M1AP: variants seen among roughly 807,000 people sequenced by gnomAD.
M1AP encodes meiosis 1 arrest protein.
In M1AP, 39 loss-of-function variants were observed where a neutral mutation model predicts 51.2. That is an observed-to-expected ratio of 0.76 (90% CI 0.59 to 1.00). The LOEUF (loss-of-function observed/expected upper bound fraction) is 1.00, where lower values mean the gene tolerates loss of function less well. Among genes scored for constraint, M1AP ranks in the 50% least tolerant of loss-of-function variants. The pLI is 0.00. For missense variants in M1AP, 545 were observed against 641.2 expected (o/e 0.85, Z 1.62); for synonymous variants, 251 against 249.2 (o/e 1.01, Z -0.07).
intron 5 of M1AP, among the ~76,000 whole-genome samples, chr2:74,577,181 GT>G (rs1195940760): frequency 1.3e-5 from 2 of 152,186 alleles, no homozygotes; most frequent in Non-Finnish European, 2.9e-5. Flanking sequence ...AAAGGAATAA[GT>G]TCCTGAAATA....
intron 2 of M1AP, chr2:74,618,732 C>T (rs929698283): frequency 4.4e-6 from 1 of 226,432 alleles, no homozygotes; most frequent in South Asian, 5.1e-5. Context: ...ACTTCTATAT[C>T]CCGAAAGTTC....
intron 2 of M1AP, among the ~76,000 whole-genome samples, chr2:74,633,509 C>T (rs115603292): frequency 1.7e-3 from 259 of 152,188 alleles, no homozygotes; most frequent in African/African-American, 6.1e-3. Flanking sequence ...CTGATGTTTC[C>T]TCTTAGTAAT....
rs115219787 is a variant in M1AP at position 74,573,766 on chromosome 2, G to T, written c.1074+1672C>A. On this transcript the variant is annotated intron_variant, in intron 7 of 10. Coordinates refer to ENST00000421985, the MANE Select transcript of M1AP (RefSeq NM_001321739.2). ...GTACATATATCTTCATCCCTTTCCT[G>T]ACTGTCTTCTTTGGCTACATTCCCA... Among the ~76,000 whole-genome samples the T allele has an allele frequency of 4.8e-3, 726 of 151,842 alleles. 3 individuals carry two copies. Among genetic ancestry groups the T allele is most frequent in the African/African-American group, 0.016 (673 of 41,408 alleles).
At chr2:74,604,219 T>C (rs923326412) in intron 4 of M1AP, among the ~76,000 whole-genome samples, 1 of 152,064 alleles carries the variant, frequency 6.6e-6, no homozygotes, top group African/African-American at 2.4e-5. Flanking sequence ...TAGGGAAGCA[T>C]GGGCATTTCT....
At chr2:74,592,909 T>C (rs974238213) in intron 4 of M1AP, among the ~76,000 whole-genome samples, 5 of 152,244 alleles carry the variant, frequency 3.3e-5, no homozygotes, top group African/African-American at 9.6e-5. Context: ...TATCCTATGC[T>C]AAATTAATAT....
intron 2 of M1AP, among the ~76,000 whole-genome samples, chr2:74,616,862 G>A (rs1220797170): frequency 2.0e-5 from 3 of 152,108 alleles, no homozygotes; most frequent in African/African-American, 7.2e-5. Flanking sequence ...AATTAGCTCA[G>A]GTTTGTGTGA....
intron 2 of M1AP, among the ~76,000 whole-genome samples, chr2:74,633,411 T>C (rs756951206): frequency 6.6e-6 from 1 of 152,222 alleles, no homozygotes; most frequent in Non-Finnish European, 1.5e-5. Flanking sequence ...TTCCTCATCC[T>C]GCACCATCCC....
chr2:74,638,468 G>C (rs1470151355), intron 2 of M1AP, among the ~76,000 whole-genome samples: 2 of 152,122 alleles, frequency 1.3e-5, no homozygotes, highest in Non-Finnish European at 2.9e-5. Flanking sequence ...ATTCTATCTA[G>C]GGTGGAACAG....
chr2:74,615,151 T>G lies in M1AP; in HGVS notation c.241-2A>C, dbSNP rs756333047. ...CCTAGCAAAGTTCCCTTTCACTTGC[T>G]GCAGAGAAAAACGAATCAAAGACAC... On this transcript the variant is annotated splice_acceptor_variant, in intron 2 of 10. Coordinates refer to ENST00000421985, the MANE Select transcript of M1AP (RefSeq NM_001321739.2). LOFTEE classifies it high-confidence loss of function. 9.9e-6 allele frequency: 16 copies of G among 1,613,828 alleles called. 1 individual carries two copies. The South Asian group carries it at 1.6e-4, about 17-fold the overall frequency.
At position 74,594,539 on chromosome 2, in the gene M1AP, T is replaced by A. The variant is rs554032805; in HGVS notation, c.595+12516A>T. ...GAGAAAGAATGAGGCCGAAAAAATA[T>A]TTAAAAAAAATGGCAGAAAATTTCC... On this transcript the variant is annotated intron_variant, in intron 4 of 10. Coordinates refer to ENST00000421985, the MANE Select transcript of M1AP (RefSeq NM_001321739.2). Among the ~76,000 whole-genome samples the A allele has an allele frequency of 2.0e-5, 3 of 152,092 alleles. No individual in the cohort carries two copies. The East Asian group carries it at 5.8e-4, about 29-fold the overall frequency.
At chr2:74,611,419 A>G (rs1025719974) in intron 3 of M1AP, among the ~76,000 whole-genome samples, 2 of 152,210 alleles carry the variant, frequency 1.3e-5, no homozygotes, top group African/African-American at 2.4e-5. Flanking sequence ...TTGTGTATAT[A>G]CAGGAATGTA....
At position 74,596,661 on chromosome 2, in the gene M1AP, G is replaced by A. The variant is rs1261422427; in HGVS notation, c.595+10394C>T. 3.3e-5 allele frequency among the ~76,000 whole-genome samples: 5 copies of A among 152,238 alleles called. No individual in the cohort carries two copies. In the East Asian group the frequency reaches 9.6e-4, roughly 29 times the overall value. On this transcript the variant is annotated intron_variant, in intron 4 of 10. Coordinates refer to ENST00000421985, the MANE Select transcript of M1AP (RefSeq NM_001321739.2). ...AAATGAAAACATATATCCACACAAA[G>A]ATTTGTGTACAGACATTCATAGCAG...
chr2:74,614,684 G>C (rs535570613), intron 3 of M1AP, among the ~76,000 whole-genome samples: 1 of 152,330 alleles, frequency 6.6e-6, no homozygotes, highest in Non-Finnish European at 1.5e-5. Flanking sequence ...TCCAGAGGCA[G>C]ATGGCATATT....
chr2:74,642,146 C>G (rs761368944), intron 1 of M1AP, among the ~76,000 whole-genome samples: 2 of 151,916 alleles, frequency 1.3e-5, no homozygotes, highest in African/African-American at 4.8e-5. Flanking sequence ...ATTAATTTTA[C>G]GAGGTTAGCA....
At chr2:74,634,168 T>C (rs995567381) in intron 2 of M1AP, among the ~76,000 whole-genome samples, 19 of 152,198 alleles carry the variant, frequency 1.2e-4, no homozygotes, top group African/African-American at 4.3e-4. Context: ...CTCCATAATA[T>C]CAGCTTAATG....
intron 7 of M1AP, 62 bp downstream of exon 7, chr2:74,575,375 CT>C (rs1341012684): frequency 6.2e-7 from 1 of 1,602,362 alleles, no homozygotes; most frequent in East Asian, 2.2e-5. Context: ...TAGTTAGCTG[CT>C]TTTCTGTGGT....
chr2:74,565,867 A>AC (rs1491335843), intron 7 of M1AP, among the ~76,000 whole-genome samples: 6 of 146,190 alleles, frequency 4.1e-5, no homozygotes, highest in South Asian at 2.2e-4. Flanking sequence ...ACACACACAC[A>AC]AACATTTGGC....
At chr2:74,623,950 C>T (rs372923060) in intron 2 of M1AP, among the ~76,000 whole-genome samples, 11 of 152,294 alleles carry the variant, frequency 7.2e-5, no homozygotes, top group East Asian at 3.9e-4. Flanking sequence ...GGATTATAGG[C>T]GTGAGCCACC....
intron 4 of M1AP, among the ~76,000 whole-genome samples, chr2:74,593,732 G>A (rs1680173996): frequency 6.6e-6 from 1 of 152,200 alleles, no homozygotes; most frequent in Non-Finnish European, 1.5e-5. Context: ...ATGAACAAAA[G>A]TAGACAGACT....
Sources: allele counts gnomAD v4.1 joint callset (sites outside exome capture counted in the v4.1 genomes callset), GRCh38; gene constraint gnomAD v4.1.1; transcripts MANE v1.5; gene names NCBI Gene and HGNC (gene_info 2026-07-23, HGNC 2026-07-21).